The following CLNK variants were observed in gnomAD, a reference collection of about 807,000 sequenced individuals.
The protein encoded by CLNK is cytokine dependent hematopoietic cell linker, also known as cytokine-dependent hematopoietic cell linker.
A neutral mutation model predicts 68.6 loss-of-function variants in CLNK; 74 were observed. The observed-to-expected ratio is 1.08, with a 90% CI of 0.89 to 1.31. The LOEUF (loss-of-function observed/expected upper bound fraction) is 1.31, where lower values mean the gene tolerates loss of function less well. Ranked by LOEUF, CLNK falls within the 50% of genes most tolerant of loss-of-function variation. CLNK has a pLI of 0.00. For missense variants in CLNK, 553 were observed against 515.3 expected (o/e 1.07, Z -0.71); for synonymous variants, 198 against 172.2 (o/e 1.15, Z -1.17).
intron 2 of CLNK, among the ~76,000 whole-genome samples, chr4:10,644,709 A>T (rs961449703): frequency 1.3e-5 from 2 of 152,236 alleles, no homozygotes; most frequent in African/African-American, 4.8e-5. Flanking sequence ...TCATAATAAA[A>T]ATCAAATTTT....
At chr4:10,583,862 T>A (rs924937058) in intron 4 of CLNK, among the ~76,000 whole-genome samples, 12 of 152,202 alleles carry the variant, frequency 7.9e-5, no homozygotes, top group Non-Finnish European at 1.5e-4. Flanking sequence ...TGCTGTATTT[T>A]ACCTGTGTGC....
At chr4:10,545,334 T>A (rs1271818224) in intron 8 of CLNK, among the ~76,000 whole-genome samples, 2 of 152,298 alleles carry the variant, frequency 1.3e-5, no homozygotes, top group African/African-American at 4.8e-5. Flanking sequence ...AAGAAAGGGA[T>A]AACAGGCCCC....
intron 2 of CLNK, among the ~76,000 whole-genome samples, chr4:10,603,100 A>G (rs142144407): frequency 5.9e-5 from 9 of 152,278 alleles, no homozygotes; most frequent in African/African-American, 2.2e-4. Flanking sequence ...AAGAATTGCC[A>G]TTTCTTCTGT....
intron 2 of CLNK, among the ~76,000 whole-genome samples, chr4:10,644,351 C>T (rs1560259323): frequency 1.3e-5 from 2 of 152,196 alleles, no homozygotes; most frequent in Non-Finnish European, 2.9e-5. Context: ...GACAACTGTT[C>T]TTTCTAGGTG....
chr4:10,729,689 T>A, the CLNK span, among the ~76,000 whole-genome samples: 55 of 152,322 alleles, frequency 3.6e-4, no homozygotes, highest in South Asian at 6.6e-3. Flanking sequence ...GAAAGTCAAA[T>A]ACTGTCATGG....
intron 8 of CLNK, among the ~76,000 whole-genome samples, chr4:10,548,646 A>T (rs1286614975): frequency 6.6e-6 from 1 of 152,138 alleles, no homozygotes; most frequent in Non-Finnish European, 1.5e-5. Flanking sequence ...GGTATACCCC[A>T]AGTTGATTTA....
At chr4:10,587,278 A>G (rs973449620) in intron 3 of CLNK, among the ~76,000 whole-genome samples, 2 of 152,144 alleles carry the variant, frequency 1.3e-5, no homozygotes, top group Admixed American at 1.3e-4. Context: ...ATTTTCTGAC[A>G]AGGTCTTTGC....
the CLNK span, among the ~76,000 whole-genome samples, chr4:10,699,219 C>CGTCTGTGTGTGT: frequency 9.2e-6 from 1 of 108,896 alleles, no homozygotes; most frequent in Non-Finnish European, 2.2e-5. Flanking sequence ...ATACACACCA[C>CGTCTGTGTGTGT]ATATGTGTGT....
At chr4:10,559,215 A>C (rs1719795417) in intron 7 of CLNK, among the ~76,000 whole-genome samples, 1 of 152,170 alleles carries the variant, frequency 6.6e-6, no homozygotes, top group South Asian at 2.1e-4. Context: ...TTAGGGTCTT[A>C]GTATTAGTCT....
Position 10,491,768 on chromosome 4 carries a change from A to AAT in CLNK, c.1141-1157_1141-1156dup, listed in dbSNP as rs372829217. ...TTGAGAAGACTTGAGCATATATAGT[A>AAT]ATTTTTTTTTTTAATTTCAACAGCT... On this transcript the variant is annotated intron_variant, in intron 18 of 18. Transcript: ENST00000226951. Among the ~76,000 whole-genome samples the AAT allele has an allele frequency of 2.3e-3, 302 of 129,346 alleles. 1 individual carries two copies. The highest frequency in any genetic ancestry group is 7.8e-3 in the African/African-American group (259 of 33,380). 84.9% of individuals were successfully genotyped at this position (129,346 alleles called of 152,430 possible).
intron 18 of CLNK, among the ~76,000 whole-genome samples, chr4:10,493,944 C>T (rs1479113026): frequency 6.6e-6 from 1 of 152,234 alleles, no homozygotes; most frequent in Non-Finnish European, 1.5e-5. Flanking sequence ...TGCAGTACAG[C>T]ATTCAGAAGA....
At chr4:10,578,229 A>G (rs1389254991) in intron 4 of CLNK, among the ~76,000 whole-genome samples, 1 of 152,144 alleles carries the variant, frequency 6.6e-6, no homozygotes, top group Non-Finnish European at 1.5e-5. Flanking sequence ...AATCCTTCTC[A>G]CTCAACCCAG....
At chr4:10,569,950 C>T (rs964795385) in intron 5 of CLNK, among the ~76,000 whole-genome samples, 1 of 152,112 alleles carries the variant, frequency 6.6e-6, no homozygotes, top group African/African-American at 2.4e-5. Flanking sequence ...TGTGCTGAGC[C>T]ATAGGTAGAG....
intron 8 of CLNK, among the ~76,000 whole-genome samples, chr4:10,549,143 A>G (rs1375539843): frequency 2.6e-5 from 4 of 152,200 alleles, no homozygotes; most frequent in Admixed American, 2.6e-4. Context: ...TAGTTACAAA[A>G]ATCCACGGGG....
the CLNK span, among the ~76,000 whole-genome samples, chr4:10,709,347 T>C: frequency 1.3e-5 from 2 of 152,190 alleles, no homozygotes; most frequent in African/African-American, 4.8e-5. Context: ...CAGAGTGACT[T>C]TCTTGTTTAA....
At chr4:10,686,565 C>T (rs185799316), upstream of CLNK, among the ~76,000 whole-genome samples, 3 of 150,646 alleles carry the variant, frequency 2.0e-5, no homozygotes, top group African/African-American at 4.9e-5. Context: ...GGGTTTGGGG[C>T]ACTAAGGGCA....
intron 18 of CLNK, among the ~76,000 whole-genome samples, chr4:10,494,866 T>A (rs1716744939): frequency 6.6e-6 from 1 of 152,236 alleles, no homozygotes; most frequent in Non-Finnish European, 1.5e-5. Context: ...TATTGAATAA[T>A]CTTTTCCAGG....
chr4:10,724,454 G>A, the CLNK span, among the ~76,000 whole-genome samples: 3 of 150,048 alleles, frequency 2.0e-5, no homozygotes, highest in Admixed American at 6.7e-5. Context: ...AATACTATAC[G>A]CCACTCTTGA....
chr4:10,698,820 T>G, the CLNK span, among the ~76,000 whole-genome samples: 1 of 152,180 alleles, frequency 6.6e-6, no homozygotes, highest in Non-Finnish European at 1.5e-5. Flanking sequence ...GAGATTAACA[T>G]GTGAGTGAGT....
Sources: allele counts gnomAD v4.1 joint callset (sites outside exome capture counted in the v4.1 genomes callset), GRCh38; gene constraint gnomAD v4.1.1; transcripts MANE v1.5; gene names NCBI Gene and HGNC (gene_info 2026-07-23, HGNC 2026-07-21).